The following NSUN3 variants were observed in gnomAD, a reference collection of about 807,000 sequenced individuals.
The protein encoded by NSUN3 is NOP2/Sun RNA methyltransferase 3.
A neutral mutation model predicts 36.8 loss-of-function variants in NSUN3; 24 were observed. The ratio of observed to expected loss-of-function variants is 0.65; its 90% CI spans 0.47 to 0.92. The LOEUF (loss-of-function observed/expected upper bound fraction) is 0.92. NSUN3 is among the 40% of genes least tolerant of loss of function. NSUN3 has a pLI of 0.00. For synonymous variants in NSUN3, 146 were observed against 145.2 expected, an observed-to-expected ratio of 1.01 and a Z score of -0.04; for missense variants, 381 against 392.8, an observed-to-expected ratio of 0.97 and a Z score of 0.25.
chr3:94,065,088 CTGTT>C (rs1017237350), intron 2 of NSUN3, among the ~76,000 whole-genome samples: 11 of 152,058 alleles, frequency 7.2e-5, no homozygotes, highest in African/African-American at 1.9e-4. Flanking sequence ...TGTGATTTGT[CTGTT>C]TGGTAAGATG....
chr3:94,108,337 G>A (rs2077399864), intron 5 of NSUN3, among the ~76,000 whole-genome samples: 1 of 152,038 alleles, frequency 6.6e-6, no homozygotes, highest in Non-Finnish European at 1.5e-5. Context: ...CTTAATAAAG[G>A]TAGCATTTAT....
rs1007172593 is a variant in NSUN3 at position 94,076,865 on chromosome 3, C to G, written c.123-7242C>G. 7.8e-6 allele frequency: 12 copies of G among 1,544,936 alleles called. No individual in the cohort carries two copies. In the Admixed American group the frequency reaches 2.0e-4, roughly 26 times the overall value. On this transcript the variant is annotated intron_variant, in intron 2 of 5. Transcript: ENST00000314622. ...AACTGAACCAAAACCTCCAAATTCT[C>G]CTTTCTCACTGTCGTAGTGTGATGC...
At chr3:94,093,996 T>G (rs1030040071) in intron 3 of NSUN3, 144 bp from the exon 4 acceptor site, 3 of 628,282 alleles carry the variant, frequency 4.8e-6, no homozygotes, top group Non-Finnish European at 8.1e-6. Context: ...TTTTAAAGCA[T>G]AAGAAAATAA....
In NSUN3 at chr3:94,130,359, A is replaced by C. The variant is rs1428269248; in HGVS notation, c.*3869A>C. Among the ~76,000 whole-genome samples, 1 of 152,222 alleles carries C rather than the reference A, an allele frequency of 6.6e-6. No homozygotes were observed. The highest frequency in any genetic ancestry group is 2.4e-5 in the African/African-American group (1 of 41,460). On this transcript the variant is annotated 3_prime_UTR_variant, in exon 6 of 6. Coordinates refer to ENST00000314622, the MANE Select transcript of NSUN3 (RefSeq NM_022072.5). ...ATCAGAGTTAATACTGTGAAGAGACAAAATAATGAGAATACTTTTACCAAA... is the reference window on the plus strand; with the variant it reads ...ATCAGAGTTAATACTGTGAAGAGACCAAATAATGAGAATACTTTTACCAAA...
At chr3:94,101,144 A>C (rs1358123305) in intron 5 of NSUN3, among the ~76,000 whole-genome samples, 3 of 151,904 alleles carry the variant, frequency 2.0e-5, no homozygotes, top group Non-Finnish European at 2.9e-5. Context: ...GATGCATGCT[A>C]CCACACTTGC....
At chr3:94,122,666 C>A (rs2077468717) in intron 5 of NSUN3, among the ~76,000 whole-genome samples, 1 of 151,884 alleles carries the variant, frequency 6.6e-6, no homozygotes, top group African/African-American at 2.4e-5. Flanking sequence ...TTTTTTTCTT[C>A]ATTTATCTTT....
At chr3:94,112,801 G>T (rs1453911447) in intron 5 of NSUN3, among the ~76,000 whole-genome samples, 1 of 152,226 alleles carries the variant, frequency 6.6e-6, no homozygotes, top group East Asian at 1.9e-4. Context: ...AGAGTAACTA[G>T]AGGTGTCTGC....
rs1413901164 is a variant in NSUN3 at position 94,129,242 on chromosome 3, G to A, written c.*2752G>A. Reference sequence around the variant, plus strand: ...GTAATATTTACAATAGTAAAGATACGGAATCAACCTAACCGCCCATCAGCA... The same window carrying A: ...GTAATATTTACAATAGTAAAGATACAGAATCAACCTAACCGCCCATCAGCA... On this transcript the variant is annotated 3_prime_UTR_variant, in exon 6 of 6. Coordinates refer to ENST00000314622, the MANE Select transcript of NSUN3 (RefSeq NM_022072.5). Among the ~76,000 whole-genome samples, 2 of 152,148 alleles carry A rather than the reference G, an allele frequency of 1.3e-5. No individual in the cohort carries two copies. The highest frequency in any genetic ancestry group is 1.9e-4 in the East Asian group (1 of 5,198).
intron 5 of NSUN3, among the ~76,000 whole-genome samples, chr3:94,120,246 G>A (rs1369868204): frequency 1.3e-5 from 2 of 152,056 alleles, no homozygotes; most frequent in African/African-American, 2.4e-5. Flanking sequence ...TTTTTATTGT[G>A]TATTTCTCTA....
chr3:94,102,816 A>G (rs1262817063), intron 5 of NSUN3, among the ~76,000 whole-genome samples: 1 of 152,094 alleles, frequency 6.6e-6, no homozygotes, highest in Non-Finnish European at 1.5e-5. Flanking sequence ...TATGAATACA[A>G]TCTTGAAAAT....
At chr3:94,072,891 T>C (rs2077229862) in intron 2 of NSUN3, among the ~76,000 whole-genome samples, 1 of 152,048 alleles carries the variant, frequency 6.6e-6, no homozygotes, top group African/African-American at 2.4e-5. Context: ...GCCATGGTGG[T>C]TTGCTGCACC....
intron 5 of NSUN3, among the ~76,000 whole-genome samples, chr3:94,106,186 T>C (rs981668591): frequency 6.6e-6 from 1 of 152,192 alleles, no homozygotes; most frequent in Non-Finnish European, 1.5e-5. Context: ...ATGTCATTAC[T>C]CTGTTGTACT....
In NSUN3 at chr3:94,094,134, AT is replaced by A; in HGVS notation, c.467-3del. ...CATTTGAAACTTTTTAATCCTTTTT[AT>A]TTAGGTTATCTTCATTGTAATGAAT... On this transcript the variant is annotated splice_region_variant and splice_polypyrimidine_tract_variant and intron_variant, in intron 3 of 5. Transcript: ENST00000314622. The A allele has an allele frequency of 6.4e-7, 1 of 1,570,124 alleles. No individual in the cohort carries two copies. The highest frequency in any genetic ancestry group is 2.3e-5 in the East Asian group (1 of 43,268).
chr3:94,121,915 C>T (rs1388657943), intron 5 of NSUN3, among the ~76,000 whole-genome samples: 2 of 152,140 alleles, frequency 1.3e-5, no homozygotes, highest in East Asian at 1.9e-4. Flanking sequence ...GAGGCCAAGG[C>T]GGGCGGATCA....
rs550566215 is a variant in NSUN3, at chr3:94,131,590, G to A, written c.*5100G>A. Among the ~76,000 whole-genome samples, 5 of 152,254 alleles carry A rather than the reference G, an allele frequency of 3.3e-5. No individual in the cohort carries two copies. Among genetic ancestry groups the A allele is most frequent in the Admixed American group, 2.0e-4 (3 of 15,290 alleles). On this transcript the variant is annotated 3_prime_UTR_variant, in exon 6 of 6. Transcript: ENST00000314622. ...TGATACCCAGAAATCTCCAGTGGAG[G>A]GTATTCTCTGCCTTCCTTTTCTTTG...
intron 3 of NSUN3, among the ~76,000 whole-genome samples, chr3:94,087,085 A>C (rs1207699488): frequency 2.0e-5 from 3 of 152,200 alleles, no homozygotes; most frequent in East Asian, 3.8e-4. Flanking sequence ...GTTGAGAAGA[A>C]TCTTCCTGTT....
At chr3:94,075,735 C>G (rs767023999) in intron 2 of NSUN3, among the ~76,000 whole-genome samples, 2 of 151,888 alleles carry the variant, frequency 1.3e-5, no homozygotes, top group African/African-American at 4.8e-5. Flanking sequence ...ATCAAGCCCC[C>G]CCCCCCAATA....
chr3:94,128,979 A>T lies in NSUN3; in HGVS notation c.*2489A>T, dbSNP rs2077499350. On this transcript the variant is annotated 3_prime_UTR_variant, in exon 6 of 6. Coordinates refer to ENST00000314622, the MANE Select transcript of NSUN3 (RefSeq NM_022072.5). ...ACCAGTCAGAATGGCTATTATTAAAAAGTCAATAAAATAAAAAATAACAGA... is the reference window on the plus strand; with the variant it reads ...ACCAGTCAGAATGGCTATTATTAAATAGTCAATAAAATAAAAAATAACAGA... Among the ~76,000 whole-genome samples, 1 of 152,216 alleles carries T rather than the reference A, an allele frequency of 6.6e-6. No homozygotes were observed. The highest frequency in any genetic ancestry group is 2.4e-5 in the African/African-American group (1 of 41,460).
intron 5 of NSUN3, among the ~76,000 whole-genome samples, chr3:94,116,825 C>T (rs2077441833): frequency 6.6e-6 from 1 of 152,004 alleles, no homozygotes; most frequent in Non-Finnish European, 1.5e-5. Flanking sequence ...GGTCTAACCT[C>T]CTTTCTACAG....
Sources: allele counts gnomAD v4.1 joint callset (sites outside exome capture counted in the v4.1 genomes callset), GRCh38; gene constraint gnomAD v4.1.1; transcripts MANE v1.5; gene names NCBI Gene and HGNC (gene_info 2026-07-23, HGNC 2026-07-21).